Variants in RXRA observed in about 807,000 individuals in gnomAD.
RXRA encodes retinoid X receptor alpha.
RXRA carries 5 observed loss-of-function variants against 44.5 expected under a neutral mutation model. The ratio of observed to expected loss-of-function variants is 0.11; its 90% CI spans 0.06 to 0.24. The LOEUF (loss-of-function observed/expected upper bound fraction) is 0.24, where lower values mean the gene tolerates loss of function less well. RXRA is among the 10% of genes least tolerant of loss of function. The pLI, the probability that RXRA is intolerant of heterozygous loss-of-function variation, is 1.00. For synonymous variants in RXRA, 291 were observed against 271.4 expected, an observed-to-expected ratio of 1.07 and a Z score of -0.71; for missense variants, 412 against 646.5, an observed-to-expected ratio of 0.64 and a Z score of 3.93.
intron 4 of RXRA, among the ~76,000 whole-genome samples, chr9:134,411,336 G>A (rs1433699965): frequency 1.3e-5 from 2 of 152,200 alleles, no homozygotes; most frequent in African/African-American, 2.4e-5. Flanking sequence ...GGGGGGACCT[G>A]GAATCACCTG....
intron 7 of RXRA, 28 bp downstream of exon 7, chr9:134,429,268 G>C (rs373909954): frequency 6.2e-7 from 1 of 1,602,998 alleles, no homozygotes; most frequent in South Asian, 1.1e-5. Context: ...AGGGGCGAGG[G>C]CGCTTCGGTC....
At chr9:134,376,594 TTC>T (rs1283499328) in intron 1 of RXRA, among the ~76,000 whole-genome samples, 1 of 152,152 alleles carries the variant, frequency 6.6e-6, no homozygotes, top group Non-Finnish European at 1.5e-5. Context: ...CCTTGCCGCG[TTC>T]TCTGTCTATA....
chr9:134,395,791 C>T (rs1402851669), intron 1 of RXRA, among the ~76,000 whole-genome samples: 1 of 152,258 alleles, frequency 6.6e-6, no homozygotes, highest in African/African-American at 2.4e-5. Flanking sequence ...CCTAACTATT[C>T]AGGAGGGCCA....
chr9:134,412,962 A>T (rs1048260514), intron 4 of RXRA, among the ~76,000 whole-genome samples: 2 of 152,212 alleles, frequency 1.3e-5, no homozygotes, highest in African/African-American at 4.8e-5. Context: ...CTGGGTGTGG[A>T]AACAGCAGGG....
intron 1 of RXRA, among the ~76,000 whole-genome samples, chr9:134,396,835 C>T (rs138351942): frequency 1.4e-3 from 211 of 152,324 alleles, no homozygotes; most frequent in African/African-American, 4.8e-3. Context: ...ATCACTCGGC[C>T]CCAGCCTGTG....
intron 1 of RXRA, among the ~76,000 whole-genome samples, chr9:134,329,328 C>G (rs896985588): frequency 7.9e-5 from 12 of 152,376 alleles, no homozygotes; most frequent in Non-Finnish European, 1.6e-4. Context: ...GAGTCCCGCT[C>G]GGGCCTGACG....
intron 1 of RXRA, among the ~76,000 whole-genome samples, chr9:134,358,738 C>G (rs1480752787): frequency 6.6e-6 from 1 of 151,616 alleles, no homozygotes; most frequent in Non-Finnish European, 1.5e-5. Context: ...CAAGCAGTTT[C>G]CAGGGCAGGC....
chr9:134,401,116 T>C (rs12343323), intron 1 of RXRA, among the ~76,000 whole-genome samples: 20,546 of 152,234 alleles, frequency 0.13, 4,552 homozygotes, highest in African/African-American at 0.46. Flanking sequence ...TGCTCACTGC[T>C]GACCTCCCAA....
In RXRA at chr9:134,440,103, AT is replaced by A. The variant is rs1564304031; in HGVS notation, c.*3490del. The A allele has an allele frequency of 1.3e-5, 2 of 152,224 alleles. No individual in the cohort carries two copies. The highest frequency in any genetic ancestry group is 4.8e-5 in the African/African-American group (2 of 41,340). 9.4% of individuals were successfully genotyped at this position (152,224 alleles called of 1,614,324 possible). ...GCATCTGGAAAGGTAAAAAAAAAAA[AT>A]CTATTTTTGTACAAATGTAATTTTA... is the stretch of plus-strand genomic sequence containing the variant. On this transcript the variant is annotated 3_prime_UTR_variant, in exon 10 of 10. Transcript: ENST00000481739.
chr9:134,422,281 C>T (rs1419281056), intron 6 of RXRA: 2 of 1,289,162 alleles, frequency 1.6e-6, no homozygotes, highest in South Asian at 2.5e-5. Flanking sequence ...TCCCAGGACA[C>T]ACTCCTACTT....
At chr9:134,350,470 A>C (rs1414779894) in intron 1 of RXRA, among the ~76,000 whole-genome samples, 1 of 152,148 alleles carries the variant, frequency 6.6e-6, no homozygotes, top group African/African-American at 2.4e-5. Context: ...TGGGGTCCCC[A>C]GGGGCTGCCC....
rs1831641213 is a variant in RXRA at position 134,437,362 on chromosome 9, G to A, written c.*748G>A. On this transcript the variant is annotated 3_prime_UTR_variant, in exon 10 of 10. Coordinates refer to ENST00000481739, the MANE Select transcript of RXRA (RefSeq NM_002957.6). ...CACCCCCCTGTTTTCTCTCTGCCTT[G>A]GTGTTCTGGTTTCAGACTCCCGACT... 1 of 152,750 alleles carries A rather than the reference G, an allele frequency of 6.5e-6. No individual in the cohort carries two copies. The highest frequency in any genetic ancestry group is 1.5e-5 in the Non-Finnish European group (1 of 68,280). The allele number at this position is 152,750 out of a possible 1,614,324, so 9.5% of individuals were successfully genotyped here. A position where few individuals can be genotyped will look rare whatever the true frequency, so the allele number is the denominator to read the frequency against.
intron 1 of RXRA, among the ~76,000 whole-genome samples, chr9:134,369,928 A>G (rs1228627811): frequency 1.3e-5 from 2 of 152,176 alleles, no homozygotes; most frequent in Admixed American, 1.3e-4. Flanking sequence ...GTGTTTGCAC[A>G]CGTGGGAGCT....
At position 134,386,699 on chromosome 9, in the gene RXRA, C is replaced by G. The variant is rs77529276; in HGVS notation, c.29-14933C>G. Among the ~76,000 whole-genome samples, 4 of 151,826 alleles carry G rather than the reference C, an allele frequency of 2.6e-5. No homozygotes were observed. The East Asian group carries it at 7.9e-4, about 30-fold the overall frequency. On this transcript the variant is annotated intron_variant, in intron 1 of 9. Coordinates refer to ENST00000481739, the MANE Select transcript of RXRA (RefSeq NM_002957.6). ...AGGCTGGCCCTGGGTCTGCCAGACCCTGCAGCCCGAGGCCAGGACCACTGG... is the reference window on the plus strand; with the variant it reads ...AGGCTGGCCCTGGGTCTGCCAGACCGTGCAGCCCGAGGCCAGGACCACTGG...
At chr9:134,346,593 C>A (rs1830155730) in intron 1 of RXRA, among the ~76,000 whole-genome samples, 1 of 152,234 alleles carries the variant, frequency 6.6e-6, no homozygotes, top group African/African-American at 2.4e-5. Context: ...CCAGGGACTG[C>A]AGGACCTGCC....
Position 134,433,173 on chromosome 9 carries a change from T to A in RXRA, c.1136-929T>A, listed in dbSNP as rs1372423385. On this transcript the variant is annotated intron_variant, in intron 8 of 9. Coordinates refer to ENST00000481739, the MANE Select transcript of RXRA (RefSeq NM_002957.6). This position sits in a 1 kb window ranked among gnomAD's most constrained non-coding sequence, Gnocchi z 4.2. Reference sequence around the variant, plus strand: ...TGGGGAGAGCTTGTTTCCAGGGTCATTTTATCACCCAGGCTGTGCATCCGG... The same window carrying A: ...TGGGGAGAGCTTGTTTCCAGGGTCAATTTATCACCCAGGCTGTGCATCCGG... Among the ~76,000 whole-genome samples, 1 of 152,100 alleles carries A rather than the reference T, an allele frequency of 6.6e-6. No individual in the cohort carries two copies. Among genetic ancestry groups the A allele is most frequent in the African/African-American group, 2.4e-5 (1 of 41,426 alleles).
At chr9:134,360,855 C>A (rs771988560) in intron 1 of RXRA, among the ~76,000 whole-genome samples, 18 of 152,224 alleles carry the variant, frequency 1.2e-4, no homozygotes, top group Non-Finnish European at 2.4e-4. Context: ...GTGGAGAAGC[C>A]TGCTGGGGGG....
At chr9:134,334,603 G>C (rs1835056504) in intron 1 of RXRA, among the ~76,000 whole-genome samples, 1 of 152,250 alleles carries the variant, frequency 6.6e-6, no homozygotes, top group South Asian at 2.1e-4. Context: ...TGACCAGGCT[G>C]CTGTGTAGCC....
intron 1 of RXRA, chr9:134,372,092 G>A (rs940768815): frequency 6.6e-6 from 1 of 152,266 alleles, no homozygotes; most frequent in Non-Finnish European, 1.5e-5. Flanking sequence ...CATTAGTCTG[G>A]GCCCACGGGA....
Sources: gnomAD v4.1 joint callset for allele counts (sites outside exome capture counted in the v4.1 genomes callset) on GRCh38, gnomAD v4.1.1 for gene constraint, Gnocchi (gnomAD v3.1) non-coding constraint, MANE v1.5 for transcripts, NCBI Gene and HGNC (gene_info 2026-07-23, HGNC 2026-07-21) for gene names.